The following IL1RAPL1 variants were observed in gnomAD, a reference collection of about 807,000 sequenced individuals.
The protein encoded by IL1RAPL1 is interleukin-1 receptor accessory protein-like 1.
A neutral mutation model predicts 48.4 loss-of-function variants in IL1RAPL1; 3 were observed. The observed-to-expected ratio is 0.06, with a 90% CI of 0.03 to 0.16. The LOEUF is 0.16. Ranked by LOEUF, IL1RAPL1 falls within the 10% of genes least tolerant of loss-of-function variation. The pLI is 1.00. For missense variants in IL1RAPL1, 349 were observed against 530.6 expected (o/e 0.66, Z 3.36); for synonymous variants, 185 against 187.7 (o/e 0.99, Z 0.12).
intron 5 of IL1RAPL1, among the ~76,000 whole-genome samples, chrX:29,657,396 T>C (rs1178662230): frequency 9.0e-6 from 1 of 111,685 alleles, no homozygotes; most frequent in Non-Finnish European, 1.9e-5. Context: ...ACCATGCCAA[T>C]GAGTAATCAT....
chrX:28,958,685 T>C (rs1484082424), intron 2 of IL1RAPL1, among the ~76,000 whole-genome samples: 10 of 111,422 alleles, frequency 9.0e-5, no homozygotes, highest in African/African-American at 3.3e-4. Context: ...TCCTCTAACT[T>C]CAAACCTTCT....
At chrX:29,747,620 G>A (rs1365025123) in intron 6 of IL1RAPL1, among the ~76,000 whole-genome samples, 4 of 111,889 alleles carry the variant, frequency 3.6e-5, no homozygotes, top group East Asian at 2.8e-4. Flanking sequence ...CATCTGTCCC[G>A]GGGTCTAGGT....
At chrX:28,591,000 G>A (rs1933902796) in intron 1 of IL1RAPL1, among the ~76,000 whole-genome samples, 1 of 112,067 alleles carries the variant, frequency 8.9e-6, no homozygotes, top group Non-Finnish European at 1.9e-5. Context: ...GCAGGTTATG[G>A]CATTTTTCTT....
chrX:29,709,594 A>C (rs1374723395), intron 6 of IL1RAPL1, among the ~76,000 whole-genome samples: 1 of 110,963 alleles, frequency 9.0e-6, no homozygotes, highest in Non-Finnish European at 1.9e-5. Flanking sequence ...GAAATCAGGG[A>C]GTGTGATGCC....
chrX:29,368,128 A>T (rs928452877), intron 3 of IL1RAPL1, among the ~76,000 whole-genome samples: 1 of 111,458 alleles, frequency 9.0e-6, no homozygotes, highest in Non-Finnish European at 1.9e-5. Flanking sequence ...TATTCTTGTT[A>T]TACTTCATGA....
At chrX:28,659,496 C>T (rs1260163252) in intron 1 of IL1RAPL1, 2 of 486,483 alleles carry the variant, frequency 4.1e-6, no homozygotes, top group Non-Finnish European at 7.5e-6. Flanking sequence ...TGCTTAACCA[C>T]CCTTCTCCTT....
chrX:29,464,891 G>A (rs1205726453), intron 5 of IL1RAPL1, among the ~76,000 whole-genome samples: 1 of 111,209 alleles, frequency 9.0e-6, no homozygotes, highest in East Asian at 2.8e-4. Context: ...AGGACATATG[G>A]ATAAAAAGAA....
intron 3 of IL1RAPL1, among the ~76,000 whole-genome samples, chrX:29,360,439 A>G (rs1317992973): frequency 8.9e-6 from 1 of 112,166 alleles, no homozygotes; most frequent in Non-Finnish European, 1.9e-5. Flanking sequence ...ATTTATTTGA[A>G]TTATTTTTGA....
chrX:29,494,891 T>TG (rs947251740), intron 5 of IL1RAPL1, among the ~76,000 whole-genome samples: 1 of 112,543 alleles, frequency 8.9e-6, no homozygotes, highest in Admixed American at 9.4e-5. Flanking sequence ...CATTTAATTT[T>TG]GCTTGTGTCT....
intron 5 of IL1RAPL1, among the ~76,000 whole-genome samples, chrX:29,401,679 T>TAA (rs11336384): frequency 2.0e-5 from 2 of 98,815 alleles, no homozygotes; most frequent in African/African-American, 3.7e-5. Flanking sequence ...AATGTCACTT[T>TAA]AAAAAAAAAA....
chrX:28,841,338 G>C (rs1396908730), intron 2 of IL1RAPL1, among the ~76,000 whole-genome samples: 1 of 110,594 alleles, frequency 9.0e-6, no homozygotes, highest in Non-Finnish European at 1.9e-5. Flanking sequence ...AGACTAAACA[G>C]ATACCAAGAA....
At chrX:29,044,434 C>T (rs1569225566) in intron 2 of IL1RAPL1, among the ~76,000 whole-genome samples, 1 of 109,650 alleles carries the variant, frequency 9.1e-6, no homozygotes, top group Non-Finnish European at 1.9e-5. Context: ...CGTCTCTAAA[C>T]AAATAAATAA....
chrX:29,844,896 G>A (rs184160427), intron 6 of IL1RAPL1, among the ~76,000 whole-genome samples: 221 of 112,043 alleles, frequency 2.0e-3, no homozygotes, highest in African/African-American at 7.0e-3. Flanking sequence ...TGAATTATAA[G>A]TGTCCTTATA....
intron 8 of IL1RAPL1, among the ~76,000 whole-genome samples, chrX:29,935,002 C>G: frequency 9.0e-6 from 1 of 111,419 alleles, no homozygotes; most frequent in Admixed American, 9.6e-5. Flanking sequence ...TTTTCTTCGT[C>G]TTTGATAACA....
chrX:29,288,625 A>C (rs67568421), intron 3 of IL1RAPL1, among the ~76,000 whole-genome samples: 20,156 of 111,527 alleles, frequency 0.18, 2,033 homozygotes, highest in African/African-American at 0.36. Flanking sequence ...GAACATATTC[A>C]TGCATTTATC....
intron 2 of IL1RAPL1, among the ~76,000 whole-genome samples, chrX:28,897,960 G>A (rs943540640): frequency 3.6e-5 from 4 of 111,286 alleles, no homozygotes; most frequent in African/African-American, 1.3e-4. Context: ...GATGAGCCAG[G>A]AGAGGGAATT....
chrX:29,256,612 A>G (rs1931762667), intron 2 of IL1RAPL1, among the ~76,000 whole-genome samples: 1 of 111,805 alleles, frequency 8.9e-6, no homozygotes, highest in Non-Finnish European at 1.9e-5. Flanking sequence ...TACTATAAGT[A>G]GTCTGATAGT....
chrX:29,934,902 C>A (rs781059870), intron 8 of IL1RAPL1, among the ~76,000 whole-genome samples: 9 of 111,514 alleles, frequency 8.1e-5, no homozygotes, highest in Non-Finnish European at 1.3e-4. Flanking sequence ...CAGTACATAC[C>A]CTTTACACCA....
chrX:29,207,427 C>CA (rs1275537580), intron 2 of IL1RAPL1, among the ~76,000 whole-genome samples: 2 of 112,333 alleles, frequency 1.8e-5, no homozygotes, highest in East Asian at 5.5e-4. Flanking sequence ...GTTTGCTAAG[C>CA]ATATTGCCTT....
Sources: allele counts gnomAD v4.1 joint callset (sites outside exome capture counted in the v4.1 genomes callset), GRCh38; gene constraint gnomAD v4.1.1; transcripts MANE v1.5; gene names NCBI Gene and HGNC (gene_info 2026-07-23, HGNC 2026-07-21).